The following TBC1D19 variants were observed in gnomAD, a reference collection of about 807,000 sequenced individuals.
TBC1D19 encodes the protein TBC1 domain family member 19.
TBC1D19 carries 60 observed loss-of-function variants against 89.0 expected under a neutral mutation model. That is an observed-to-expected ratio of 0.67 (90% CI 0.55 to 0.84). TBC1D19 has a LOEUF of 0.84. Among genes scored for constraint, TBC1D19 ranks in the 40% least tolerant of loss-of-function variants. The probability of loss-of-function intolerance (pLI) is 0.00; values close to 1 mark genes in which losing one functional copy is unlikely to be tolerated. For missense variants in TBC1D19, 500 were observed against 610.8 expected (o/e 0.82, Z 1.91); for synonymous variants, 189 against 199.7 (o/e 0.95, Z 0.45).
the TBC1D19 span, among the ~76,000 whole-genome samples, chr4:26,835,306 G>T: frequency 2.0e-5 from 3 of 152,152 alleles, no homozygotes; most frequent in Non-Finnish European, 4.4e-5. Context: ...CAAGGAAATG[G>T]ATTCTCCCCT....
chr4:26,718,535 T>G (rs1409541574), intron 14 of TBC1D19, among the ~76,000 whole-genome samples: 1 of 152,082 alleles, frequency 6.6e-6, no homozygotes, highest in African/African-American at 2.4e-5. Flanking sequence ...CCTTCCCAAC[T>G]TTTCCTTTTT....
chr4:26,625,161 C>T (rs915278065), intron 4 of TBC1D19, among the ~76,000 whole-genome samples: 1 of 151,898 alleles, frequency 6.6e-6, no homozygotes, highest in Non-Finnish European at 1.5e-5. Context: ...CCTGCAGTTT[C>T]TGGCAAGCTA....
intron 8 of TBC1D19, among the ~76,000 whole-genome samples, chr4:26,659,909 A>T (rs561918927): frequency 6.6e-6 from 1 of 152,364 alleles, no homozygotes; most frequent in African/African-American, 2.4e-5. Flanking sequence ...TCACATTGAC[A>T]TATAAATGCT....
the TBC1D19 span, among the ~76,000 whole-genome samples, chr4:26,765,366 CTG>C: frequency 6.7e-6 from 1 of 148,316 alleles, no homozygotes; most frequent in East Asian, 2.0e-4. Flanking sequence ...TTAAGTGAGA[CTG>C]TGAATAGATC....
chr4:26,744,975 T>G (rs1434472416), intron 18 of TBC1D19, among the ~76,000 whole-genome samples: 4 of 152,194 alleles, frequency 2.6e-5, no homozygotes, highest in Admixed American at 2.6e-4. Context: ...CAGCTCTAAT[T>G]ATAATTGTGG....
At chr4:26,607,793 GT>G (rs1324286104) in intron 1 of TBC1D19, among the ~76,000 whole-genome samples, 1 of 152,086 alleles carries the variant, frequency 6.6e-6, no homozygotes, top group Non-Finnish European at 1.5e-5. Flanking sequence ...CTTATCTTTT[GT>G]CGTGTGTTTG....
intron 13 of TBC1D19, among the ~76,000 whole-genome samples, chr4:26,704,607 G>A (rs1193895830): frequency 6.6e-6 from 1 of 152,168 alleles, no homozygotes; most frequent in African/African-American, 2.4e-5. Flanking sequence ...ACTGTGTTAG[G>A]TGCTAGCAAA....
chr4:26,761,553 A>G, the TBC1D19 span, among the ~76,000 whole-genome samples: 1 of 152,156 alleles, frequency 6.6e-6, no homozygotes, highest in Non-Finnish European at 1.5e-5. Flanking sequence ...TTGACCTTGT[A>G]TCCTGAGACC....
intron 6 of TBC1D19, 103 bp downstream of exon 6, chr4:26,638,937 A>G (rs1743310952): frequency 1.0e-6 from 1 of 953,334 alleles, no homozygotes; most frequent in Non-Finnish European, 1.6e-6. Flanking sequence ...GAAGATTGCA[A>G]TTTTCCTTCT....
intron 3 of TBC1D19, among the ~76,000 whole-genome samples, chr4:26,616,144 A>T (rs1234811321): frequency 6.6e-6 from 1 of 152,180 alleles, no homozygotes; most frequent in Admixed American, 6.5e-5. Flanking sequence ...AAAAAAGCAG[A>T]TGGGAGATCA....
the TBC1D19 span, among the ~76,000 whole-genome samples, chr4:26,842,587 T>C: frequency 0.39 from 13,252 of 33,836 alleles, 1,217 homozygotes; most frequent in Middle Eastern, 0.52. Context: ...TCCCTCCCTT[T>C]CTTTCTTTCT....
At chr4:26,647,006 G>A (rs1744017368) in intron 7 of TBC1D19, among the ~76,000 whole-genome samples, 2 of 152,146 alleles carry the variant, frequency 1.3e-5, no homozygotes, top group Admixed American at 1.3e-4. Context: ...ACATACTCAG[G>A]AAATCTTTTT....
chr4:26,646,122 CAAAAAAA>C (rs1170955624), intron 7 of TBC1D19, among the ~76,000 whole-genome samples: 6 of 42,202 alleles, frequency 1.4e-4, no homozygotes, highest in Non-Finnish European at 2.6e-4. Flanking sequence ...GACTCCGTCT[CAAAAAAA>C]AAAAAAAAAA....
intron 13 of TBC1D19, among the ~76,000 whole-genome samples, chr4:26,709,204 G>A (rs1395325589): frequency 6.6e-6 from 1 of 151,964 alleles, no homozygotes; most frequent in African/African-American, 2.4e-5. Flanking sequence ...TCAGCCTGAG[G>A]TATAAATCTA....
chr4:26,838,103 T>G, the TBC1D19 span, among the ~76,000 whole-genome samples: 1 of 152,176 alleles, frequency 6.6e-6, no homozygotes, highest in Admixed American at 6.6e-5. Context: ...TGGCTCATTT[T>G]CCCATTCTCT....
the TBC1D19 span, among the ~76,000 whole-genome samples, chr4:26,781,335 A>G: frequency 1.3e-5 from 2 of 152,186 alleles, no homozygotes; most frequent in African/African-American, 2.4e-5. Context: ...CTCTCAAGTC[A>G]GGTTACCTGG....
intron 1 of TBC1D19, among the ~76,000 whole-genome samples, chr4:26,596,017 C>T (rs1049342699): frequency 8.6e-5 from 13 of 152,024 alleles, no homozygotes; most frequent in African/African-American, 2.9e-4. Flanking sequence ...AGTGTGGTGG[C>T]ATGATCTTAG....
chr4:26,858,439 G>A, the TBC1D19 span: 217 of 152,492 alleles, frequency 1.4e-3, no homozygotes, highest in Non-Finnish European at 2.3e-3. Flanking sequence ...GAGAACAAGG[G>A]AAGGGAAAGG....
At chr4:26,807,668 C>T in the TBC1D19 span, among the ~76,000 whole-genome samples, 4 of 152,308 alleles carry the variant, frequency 2.6e-5, no homozygotes, top group South Asian at 2.1e-4. Context: ...TGCCCAGGCA[C>T]GAAAGCACCC....
Sources: gnomAD v4.1 joint callset for allele counts (sites outside exome capture counted in the v4.1 genomes callset) on GRCh38, gnomAD v4.1.1 for gene constraint, MANE v1.5 for transcripts, NCBI Gene and HGNC (gene_info 2026-07-23, HGNC 2026-07-21) for gene names.